TRIM37: variants seen among roughly 807,000 people sequenced by gnomAD.
The protein encoded by TRIM37 is tripartite motif containing 37.
Under a neutral mutation model 129.8 loss-of-function variants are expected in TRIM37, and 80 were observed. The observed-to-expected ratio is 0.62, with a 90% CI of 0.51 to 0.74. TRIM37 has a LOEUF of 0.74. Ranked by LOEUF, TRIM37 falls within the 30% of genes least tolerant of loss-of-function variation. TRIM37 has a pLI of 0.00. For missense variants in TRIM37, 1,054 were observed against 1,176.5 expected (o/e 0.90, Z 1.52); for synonymous variants, 389 against 387.1 (o/e 1.00, Z -0.06).
At chr17:59,097,712 TG>T (rs1196852245) in intron 2 of TRIM37, among the ~76,000 whole-genome samples, 1 of 152,056 alleles carries the variant, frequency 6.6e-6, no homozygotes, top group Non-Finnish European at 1.5e-5. Flanking sequence ...CCAGCCTGGG[TG>T]ACAGTGAGAT....
At chr17:59,089,191 C>T (rs896516645) in intron 3 of TRIM37, among the ~76,000 whole-genome samples, 1 of 152,230 alleles carries the variant, frequency 6.6e-6, no homozygotes, top group Non-Finnish European at 1.5e-5. Context: ...GAGATTGAGG[C>T]TGCAGTGAGC....
In TRIM37 at chr17:59,026,051, C is replaced by G. The variant is rs148333924; in HGVS notation, c.2257+2364G>C. Among the ~76,000 whole-genome samples, 359 of 152,268 alleles carry G rather than the reference C, an allele frequency of 2.4e-3. 4 individuals are homozygous for G. Among genetic ancestry groups the G allele is most frequent in the African/African-American group, 8.3e-3 (343 of 41,550 alleles). ...TTTATTGGATTATTCACATCACTAT[C>G]AAACATTAATACAGCCAATTTTAAT... is the stretch of plus-strand genomic sequence containing the variant. On this transcript the variant is annotated intron_variant, in intron 19 of 23. Coordinates refer to ENST00000262294, the MANE Select transcript of TRIM37 (RefSeq NM_015294.6).
chr17:58,985,102 T>C (rs1431574506), intron 24 of TRIM37: 1 of 152,666 alleles, frequency 6.6e-6, no homozygotes, highest in African/African-American at 2.4e-5. Context: ...TCATATTTTA[T>C]TAAAAGTGTT....
intron 14 of TRIM37, 88 bp from the exon 15 acceptor site, chr17:59,049,481 G>C (rs62084384): frequency 1.5e-5 from 17 of 1,135,962 alleles, no homozygotes; most frequent in Non-Finnish European, 2.2e-5. Context: ...GCATCCAGAT[G>C]TTTCTAAAAC....
chr17:59,091,510 CA>C (rs2044324220), intron 2 of TRIM37, among the ~76,000 whole-genome samples, 170 bp from the exon 3 acceptor site: 1 of 71,766 alleles, frequency 1.4e-5, no homozygotes, highest in Non-Finnish European at 3.0e-5. Context: ...TATAACATAT[CA>C]TATATATATA....
chr17:59,049,422 A>C, intron 14 of TRIM37, 29 bp from the exon 15 acceptor site: 1 of 1,585,430 alleles, frequency 6.3e-7, no homozygotes, highest in Non-Finnish European at 8.7e-7. Context: ...CACAAATATT[A>C]GCCACAGCTC....
chr17:59,016,381 GA>G (rs1379994042), intron 20 of TRIM37, among the ~76,000 whole-genome samples: 2 of 74,090 alleles, frequency 2.7e-5, no homozygotes, highest in African/African-American at 5.5e-5. Flanking sequence ...GCAACTAGAG[GA>G]AAAAACTCCA....
rs560873737 is a variant in TRIM37 at position 58,987,203 on chromosome 17, T to C, written c.2892-4282A>G. Among the ~76,000 whole-genome samples the C allele has an allele frequency of 2.6e-5, 4 of 152,328 alleles. No homozygotes were observed. The South Asian group carries it at 8.3e-4, about 32-fold the overall frequency. On this transcript the variant is annotated intron_variant, in intron 24 of 24. Coordinates refer to the TRIM37 transcript ENST00000393066. ...ACATTTGGGGAAACCATTTTCCAAATGAGTAACTGGAGTTTAACTAAAGAT... is the reference window on the plus strand; with the variant it reads ...ACATTTGGGGAAACCATTTTCCAAACGAGTAACTGGAGTTTAACTAAAGAT...
At chr17:59,079,950 G>C in intron 6 of TRIM37, 73 bp from the exon 7 acceptor site, 6 of 1,499,568 alleles carry the variant, frequency 4.0e-6, no homozygotes, top group Non-Finnish European at 5.5e-6. Context: ...TTATAATATT[G>C]CCAAGAATAG....
chr17:59,094,047 G>A (rs926873449), intron 2 of TRIM37, among the ~76,000 whole-genome samples: 2 of 151,910 alleles, frequency 1.3e-5, no homozygotes, highest in African/African-American at 4.8e-5. Context: ...GGCATGCGAC[G>A]CCACACCCAG....
chr17:59,077,894 T>C (rs1312809125), intron 7 of TRIM37, among the ~76,000 whole-genome samples: 1 of 139,396 alleles, frequency 7.2e-6, no homozygotes, highest in Admixed American at 7.4e-5. Flanking sequence ...GAGGCGGAGG[T>C]GGGTGGATCA....
intron 11 of TRIM37, among the ~76,000 whole-genome samples, chr17:59,061,499 C>T (rs1202283147): frequency 6.6e-6 from 1 of 151,614 alleles, no homozygotes; most frequent in Admixed American, 6.6e-5. Context: ...AAAGGTAATA[C>T]CCTATGCTGA....
chr17:59,038,939 C>T (rs535717303), intron 17 of TRIM37, among the ~76,000 whole-genome samples: 1 of 152,270 alleles, frequency 6.6e-6, no homozygotes, highest in Admixed American at 6.5e-5. Context: ...TGTTCCACAG[C>T]CGTAACTACA....
At chr17:59,090,404 A>T (rs1191443917) in intron 3 of TRIM37, among the ~76,000 whole-genome samples, 2 of 152,206 alleles carry the variant, frequency 1.3e-5, no homozygotes, top group Non-Finnish European at 2.9e-5. Context: ...TATATATATA[A>T]ATATAGGCAC....
At chr17:59,099,095 C>A (rs1432447357) in intron 2 of TRIM37, among the ~76,000 whole-genome samples, 1 of 152,022 alleles carries the variant, frequency 6.6e-6, no homozygotes, top group African/African-American at 2.4e-5. Context: ...AGGCAGCAGA[C>A]TCGCTTGAAC....
At position 58,998,393 on chromosome 17, in the gene TRIM37, T is replaced by G; in HGVS notation, c.*984A>C. The G allele has an allele frequency of 3.0e-6, 3 of 985,280 alleles. No individual in the cohort carries two copies. Among genetic ancestry groups the G allele is most frequent in the Non-Finnish European group, 3.6e-6 (3 of 829,912 alleles). The allele number at this position is 985,280 out of a possible 1,614,324, so 61.0% of individuals were successfully genotyped here. Reference sequence around the variant, plus strand: ...CTTTTTCAATAGTCTCTTAGTCAACTTTCAGTGTAATTTCCACAAATATAT... The same window carrying G: ...CTTTTTCAATAGTCTCTTAGTCAACGTTCAGTGTAATTTCCACAAATATAT... On this transcript the variant is annotated 3_prime_UTR_variant, in exon 24 of 24. Transcript: ENST00000262294.
At chr17:59,070,739 A>T (rs1225032308) in intron 9 of TRIM37, 84 bp downstream of exon 9, 6 of 888,208 alleles carry the variant, frequency 6.8e-6, no homozygotes, top group Non-Finnish European at 9.5e-6. Flanking sequence ...AGATGGCATT[A>T]AAAAAAAAAA....
chr17:59,088,296 C>T lies in TRIM37; in HGVS notation c.276G>A (p.Lys92=), dbSNP rs571293373. Residue 92 remains lysine (K), a synonymous_variant, in exon 4 of 24, where the codon AAG becomes AAA. Transcript: ENST00000262294. ...CSLTKHEENE[K]DKCENHHEKL... The stretch of plus-strand genomic sequence containing the variant: ...CAAAGAAATTGAGGACATACTTGTC[C>T]TTTTCATTTTCTTCATGTTTGGTGA... 6.9e-6 allele frequency: 11 copies of T among 1,603,710 alleles called. No individual in the cohort carries two copies. In the South Asian group the frequency reaches 1.2e-4, roughly 18 times the overall value.
At chr17:58,972,721 AAG>A in the TRIM37 span, 1 of 978,186 alleles carries the variant, frequency 1.0e-6, no homozygotes, top group Non-Finnish European at 1.6e-6. Flanking sequence ...TGGAGAAACA[AAG>A]AGAACCTTTT....
Sources: gnomAD v4.1 joint callset for allele counts (sites outside exome capture counted in the v4.1 genomes callset) on GRCh38, gnomAD v4.1.1 for gene constraint, MANE v1.5 for transcripts, NCBI Gene and HGNC (gene_info 2026-07-23, HGNC 2026-07-21) for gene names.